POLDIP3: variants seen among roughly 807,000 people sequenced by gnomAD.
POLDIP3 encodes the protein DNA polymerase delta interacting protein 3.
Under a neutral mutation model 45.1 loss-of-function variants are expected in POLDIP3, and 14 were observed. The ratio of observed to expected loss-of-function variants is 0.31; its 90% confidence interval spans 0.20 to 0.49. The LOEUF is 0.49. Ranked by LOEUF, POLDIP3 falls within the 20% of genes least tolerant of loss-of-function variation. The pLI is 0.99. For synonymous variants in POLDIP3, 223 were observed against 205.2 expected, an observed-to-expected ratio of 1.09 and a Z score of -0.74; for missense variants, 511 against 538.8, an observed-to-expected ratio of 0.95 and a Z score of 0.51.
chr22:42,611,403 G>A (rs1178704427), intron 1 of POLDIP3, among the ~76,000 whole-genome samples: 5 of 152,208 alleles, frequency 3.3e-5, no homozygotes, highest in African/African-American at 4.8e-5. Context: ...TTCCACAAAT[G>A]TGATCCTTGG....
rs773151501 is a variant in POLDIP3 at position 42,592,101 on chromosome 22, G to A, written c.892-17C>T. ...GAAAAGCTCCTGCACACAACAAGAG[G>A]GGTTGGGATTGGGGAAGGATTTCTC... On this transcript the variant is annotated splice_polypyrimidine_tract_variant and intron_variant, in intron 6 of 8. Transcript: ENST00000252115. 6 of 1,613,580 alleles carry A rather than the reference G, an allele frequency of 3.7e-6. No individual in the cohort carries two copies. The African/African-American group carries it at 8.0e-5, about 22-fold the overall frequency.
At chr22:42,598,840 T>C (rs1205452626) in intron 4 of POLDIP3, among the ~76,000 whole-genome samples, 1 of 152,210 alleles carries the variant, frequency 6.6e-6, no homozygotes, top group East Asian at 1.9e-4. Context: ...CACTTGGCTG[T>C]ACCACTGAGC....
At chr22:42,589,225 A>G (rs1386348781) in intron 7 of POLDIP3, among the ~76,000 whole-genome samples, 2 of 151,368 alleles carry the variant, frequency 1.3e-5, no homozygotes, top group Non-Finnish European at 2.9e-5. Context: ...CCTGGGCGAC[A>G]GAGCGAGACT....
Position 42,599,620 on chromosome 22 carries a change from A to G in POLDIP3, c.633+78T>C. 2.7e-6 allele frequency: 3 copies of G among 1,119,660 alleles called. 1 individual carries two copies. In the South Asian group the frequency reaches 3.9e-5, roughly 15 times the overall value. The allele number at this position is 1,119,660 out of a possible 1,614,324, so 69.4% of individuals were successfully genotyped here. A position where few individuals can be genotyped will look rare whatever the true frequency, so the allele number is the denominator to read the frequency against. On this transcript the variant is annotated intron_variant, in intron 4 of 8. Transcript: ENST00000252115. ...GAGATGTCGTCTCAAAACAAAAAAA[A>G]CAACAGGTTCTATTCAACACGACCT... is the stretch of plus-strand genomic sequence containing the variant.
At chr22:42,607,963 G>A (rs928390228) in intron 1 of POLDIP3, among the ~76,000 whole-genome samples, 9 of 150,158 alleles carry the variant, frequency 6.0e-5, no homozygotes, top group East Asian at 2.0e-4. Flanking sequence ...ACAGCCAGCC[G>A]CCCTGTTCGG....
intron 1 of POLDIP3, chr22:42,603,756 G>A (rs188680917): frequency 6.6e-6 from 1 of 152,338 alleles, no homozygotes; most frequent in Admixed American, 6.5e-5. Flanking sequence ...CAAAGACTTG[G>A]TAGGAAAGAA....
intron 7 of POLDIP3, among the ~76,000 whole-genome samples, chr22:42,591,372 T>C (rs1224186045): frequency 6.6e-6 from 1 of 152,192 alleles, no homozygotes; most frequent in Non-Finnish European, 1.5e-5. Context: ...TGTAATTTTT[T>C]TTATTGTTGT....
At chr22:42,590,942 C>T (rs1298451463) in intron 7 of POLDIP3, among the ~76,000 whole-genome samples, 4 of 152,114 alleles carry the variant, frequency 2.6e-5, no homozygotes, top group African/African-American at 4.8e-5. Context: ...GGCTTGGTGG[C>T]GTGCACCTGT....
At chr22:42,591,299 C>A (rs1407839562) in intron 7 of POLDIP3, among the ~76,000 whole-genome samples, 2 of 152,182 alleles carry the variant, frequency 1.3e-5, no homozygotes, top group Non-Finnish European at 2.9e-5. Flanking sequence ...CAGAACTCCA[C>A]TGACTCACCC....
At chr22:42,597,846 T>C (rs967370904) in intron 4 of POLDIP3, 26 of 424,702 alleles carry the variant, frequency 6.1e-5, no homozygotes, top group Non-Finnish European at 1.2e-4. Flanking sequence ...AGTGGCGCAA[T>C]CTTGGCTCAC....
intron 1 of POLDIP3, among the ~76,000 whole-genome samples, chr22:42,613,542 C>T (rs1324059740): frequency 6.6e-6 from 1 of 152,140 alleles, no homozygotes; most frequent in Non-Finnish European, 1.5e-5. Flanking sequence ...GGAGGATCAC[C>T]TGAGGTCAGG....
At chr22:42,587,365 T>A in intron 8 of POLDIP3, 141 bp downstream of exon 8, 1 of 878,944 alleles carries the variant, frequency 1.1e-6, no homozygotes, top group Non-Finnish European at 1.8e-6. Flanking sequence ...AGTTTAAGCA[T>A]ATGAAACGGC....
intron 3 of POLDIP3, 22 bp downstream of exon 3, chr22:42,601,948 C>G (rs770221980): frequency 1.9e-5 from 31 of 1,611,230 alleles, no homozygotes; most frequent in African/African-American, 4.0e-5. Context: ...TTCTCTCTCT[C>G]TCTCTCACTC....
At chr22:42,592,747 A>G (rs1925746548) in intron 6 of POLDIP3, among the ~76,000 whole-genome samples, 1 of 152,176 alleles carries the variant, frequency 6.6e-6, no homozygotes, top group Non-Finnish European at 1.5e-5. Context: ...AACTGAGATA[A>G]TTTTTAAGGC....
intron 4 of POLDIP3, among the ~76,000 whole-genome samples, chr22:42,597,472 C>T (rs1007947303): frequency 3.9e-5 from 6 of 152,168 alleles, no homozygotes; most frequent in African/African-American, 1.4e-4. Context: ...GCCCTGAGAG[C>T]GAGACTGCTC....
Position 42,602,254 on chromosome 22 carries a change from AG to A in POLDIP3, c.451-199del, listed in dbSNP as rs376692105. ...GAGACCATGCCGGTAACGCACATGT[AG>A]GGCTTAATGGACTTGGCTCAGTAAA... On this transcript the variant is annotated intron_variant, in intron 2 of 8. Transcript: ENST00000252115. 723 of 840,122 alleles carry A rather than the reference AG, an allele frequency of 8.6e-4. 4 individuals carry two copies. The African/African-American group carries it at 9.6e-3, about 11-fold the overall frequency. The allele number at this position is 840,122 out of a possible 1,614,324, so 52.0% of individuals were successfully genotyped here.
intron 6 of POLDIP3, 103 bp from the exon 7 acceptor site, chr22:42,592,187 T>C (rs887061968): frequency 6.6e-7 from 1 of 1,524,194 alleles, no homozygotes; most frequent in Non-Finnish European, 8.9e-7. Context: ...TGCAGCTAAA[T>C]GCGCCCTGCG....
intron 1 of POLDIP3, among the ~76,000 whole-genome samples, chr22:42,609,400 A>C (rs567094531): frequency 2.6e-5 from 4 of 152,294 alleles, no homozygotes; most frequent in African/African-American, 9.6e-5. Flanking sequence ...GTGAGAAGGC[A>C]AACGTTCCCT....
intron 8 of POLDIP3, 74 bp from the exon 9 acceptor site, chr22:42,586,042 G>A: frequency 7.1e-7 from 1 of 1,409,320 alleles, no homozygotes; most frequent in East Asian, 2.5e-5. Flanking sequence ...ACCATTTACT[G>A]GGCATCTGTC....
Sources: gnomAD v4.1 joint callset for allele counts (sites outside exome capture counted in the v4.1 genomes callset) on GRCh38, gnomAD v4.1.1 for gene constraint, MANE v1.5 for transcripts, NCBI Gene and HGNC (gene_info 2026-07-23, HGNC 2026-07-21) for gene names.